Variants in CAPZB observed in about 807,000 individuals in gnomAD.
The protein encoded by CAPZB is capping actin protein of muscle Z-line subunit beta, also known as F-actin-capping protein subunit beta.
Under a neutral mutation model 38.1 loss-of-function variants are expected in CAPZB, and 2 were observed. That is an observed-to-expected ratio of 0.05 (90% CI 0.02 to 0.17). CAPZB has a LOEUF of 0.17. Among genes scored for constraint, CAPZB ranks in the 10% least tolerant of loss-of-function variants. The probability of loss-of-function intolerance (pLI) is 1.00; values close to 1 mark genes in which losing one functional copy is unlikely to be tolerated. For synonymous variants in CAPZB, 107 were observed against 127.4 expected (o/e 0.84, Z 1.08); for missense variants, 161 against 334.2 (o/e 0.48, Z 4.04).
intron 1 of CAPZB, among the ~76,000 whole-genome samples, chr1:19,450,161 AAAAAAAAAGAAAAG>A (rs1422913301): frequency 4.5e-5 from 6 of 132,608 alleles, no homozygotes; most frequent in African/African-American, 1.5e-4. Context: ...AAAAAAAAAA[AAAAAAAAAGAAAAG>A]AAAAGAAAAG....
At chr1:19,442,916 C>T (rs575303224) in intron 1 of CAPZB, among the ~76,000 whole-genome samples, 3 of 152,252 alleles carry the variant, frequency 2.0e-5, no homozygotes, top group Admixed American at 2.0e-4. Flanking sequence ...ACAACCTCTA[C>T]GCCAGTGGTG....
chr1:19,355,494 C>CA (rs11455973), intron 6 of CAPZB, among the ~76,000 whole-genome samples: 30,170 of 102,484 alleles, frequency 0.29, 3,641 homozygotes, highest in Non-Finnish European at 0.35. Flanking sequence ...GACTCCGTCT[C>CA]AAAAAAAAAA....
intron 4 of CAPZB, among the ~76,000 whole-genome samples, chr1:19,366,608 A>C (rs1199477493): frequency 6.6e-6 from 1 of 151,954 alleles, no homozygotes; most frequent in African/African-American, 2.4e-5. Context: ...GAATTGCTTG[A>C]ACCCGGGAGG....
At chr1:19,343,992 G>A (rs942732967) in intron 8 of CAPZB, among the ~76,000 whole-genome samples, 4 of 152,192 alleles carry the variant, frequency 2.6e-5, no homozygotes, top group East Asian at 1.9e-4. Context: ...AGAGGCAGCC[G>A]GGCTGCCCGG....
At position 19,339,449 on chromosome 1, in the gene CAPZB, A is replaced by G. The variant is rs1162107029; in HGVS notation, c.*81T>C. On this transcript the variant is annotated 3_prime_UTR_variant, in exon 9 of 9. Transcript: ENST00000264202. The stretch of plus-strand genomic sequence containing the variant: ...TGACCTGTCGGGGAGGGAAGGGACG[A>G]GGGAAGGGAGCAGAAAACGAGTTTT... 1.0e-6 allele frequency: 1 copy of G among 989,392 alleles called. No homozygotes were observed. The highest frequency in any genetic ancestry group is 1.7e-5 in the Admixed American group (1 of 59,116). The allele number at this position is 989,392 out of a possible 1,614,324, so 61.3% of individuals were successfully genotyped here. A position where few individuals can be genotyped will look rare whatever the true frequency, so the allele number is the denominator to read the frequency against.
intron 1 of CAPZB, among the ~76,000 whole-genome samples, chr1:19,451,814 C>T (rs1463931951): frequency 6.6e-6 from 1 of 151,894 alleles, no homozygotes; most frequent in Non-Finnish European, 1.5e-5. Context: ...TAGCTGAAAC[C>T]GAACTAGGTT....
intron 2 of CAPZB, among the ~76,000 whole-genome samples, chr1:19,387,434 C>T (rs796440620): frequency 4.6e-5 from 7 of 152,342 alleles, no homozygotes; most frequent in East Asian, 1.9e-4. Flanking sequence ...AGCTTCCACC[C>T]GAGGCCATCT....
At chr1:19,476,008 G>C (rs2094605276) in intron 1 of CAPZB, among the ~76,000 whole-genome samples, 3 of 152,158 alleles carry the variant, frequency 2.0e-5, no homozygotes, top group Admixed American at 6.5e-5. Flanking sequence ...CGATCTGCCT[G>C]AGCTCAGGTA....
chr1:19,458,221 T>C (rs1402406022), intron 1 of CAPZB, among the ~76,000 whole-genome samples: 1 of 152,158 alleles, frequency 6.6e-6, no homozygotes, highest in South Asian at 2.1e-4. Context: ...CAGCCATTTC[T>C]GACCTACACA....
At chr1:19,381,488 G>T (rs1470099411) in intron 3 of CAPZB, among the ~76,000 whole-genome samples, 1 of 152,136 alleles carries the variant, frequency 6.6e-6, no homozygotes, top group Admixed American at 6.6e-5. Context: ...AGGAAGAAAG[G>T]GGAATTCTGC....
intron 1 of CAPZB, among the ~76,000 whole-genome samples, chr1:19,471,084 G>T (rs1427004643): frequency 1.3e-5 from 2 of 152,154 alleles, no homozygotes; most frequent in African/African-American, 4.8e-5. Context: ...GCATACCTAT[G>T]ATGTTTAATT....
intron 2 of CAPZB, among the ~76,000 whole-genome samples, chr1:19,412,216 TAGGGGCTGGTGCATATTACC>T (rs1227972686): frequency 6.6e-6 from 1 of 152,086 alleles, no homozygotes; most frequent in Non-Finnish European, 1.5e-5. Context: ...AGAGACTATG[TAGGGGCTGGTGCATATTACC>T]AGTGATTCCA....
intron 1 of CAPZB, among the ~76,000 whole-genome samples, chr1:19,451,149 C>T (rs1301925120): frequency 6.6e-6 from 1 of 152,228 alleles, no homozygotes; most frequent in Non-Finnish European, 1.5e-5. Context: ...TCAGGACCAG[C>T]TGTTGCTATT....
At chr1:19,367,970 T>G (rs1367221979) in intron 4 of CAPZB, among the ~76,000 whole-genome samples, 1 of 152,170 alleles carries the variant, frequency 6.6e-6, no homozygotes, top group African/African-American at 2.4e-5. Context: ...AAAACACTGC[T>G]GGCCCCATGG....
intron 1 of CAPZB, among the ~76,000 whole-genome samples, chr1:19,474,986 C>T (rs1162430603): frequency 1.3e-5 from 2 of 152,120 alleles, no homozygotes; most frequent in East Asian, 3.9e-4. Flanking sequence ...CTGCAGGGAG[C>T]TATGGAGGAG....
At chr1:19,380,459 C>T (rs2094168149) in intron 3 of CAPZB, among the ~76,000 whole-genome samples, 1 of 152,262 alleles carries the variant, frequency 6.6e-6, no homozygotes. Flanking sequence ...TGTCAACAAG[C>T]TGGGACCCCA....
chr1:19,445,925 G>C (rs2094494355), intron 1 of CAPZB, among the ~76,000 whole-genome samples: 1 of 152,232 alleles, frequency 6.6e-6, no homozygotes, highest in South Asian at 2.1e-4. Context: ...GTGCTGGGCT[G>C]TGCAGGAGGG....
intron 2 of CAPZB, among the ~76,000 whole-genome samples, chr1:19,392,404 G>A (rs1258880873): frequency 6.6e-6 from 1 of 151,966 alleles, no homozygotes; most frequent in East Asian, 1.9e-4. Flanking sequence ...GGCCACTGAG[G>A]CAAGTGCAAG....
chr1:19,469,647 C>T (rs145059381), intron 1 of CAPZB, among the ~76,000 whole-genome samples: 71 of 151,480 alleles, frequency 4.7e-4, no homozygotes, highest in African/African-American at 1.7e-3. Flanking sequence ...GCAAAGTGAC[C>T]GGTTCAAGAA....
Sources: allele counts gnomAD v4.1 joint callset (sites outside exome capture counted in the v4.1 genomes callset), GRCh38; gene constraint gnomAD v4.1.1; transcripts MANE v1.5; gene names NCBI Gene and HGNC (gene_info 2026-07-23, HGNC 2026-07-21).